The following SLIT1 variants were observed in gnomAD, a reference collection of about 807,000 sequenced individuals.
SLIT1 encodes slit homolog 1 protein.
In SLIT1, 66 loss-of-function variants were observed where a neutral mutation model predicts 186.1. The ratio of observed to expected loss-of-function variants is 0.35; its 90% CI spans 0.29 to 0.44. The LOEUF (loss-of-function observed/expected upper bound fraction) is 0.44, where lower values mean the gene tolerates loss of function less well. SLIT1 is among the 20% of genes least tolerant of loss of function. The probability of loss-of-function intolerance (pLI) is 1.00; values close to 1 mark genes in which losing one functional copy is unlikely to be tolerated. For missense variants in SLIT1, 1,638 were observed against 2,037.4 expected (o/e 0.80, Z 3.77); for synonymous variants, 761 against 833.8 (o/e 0.91, Z 1.50).
At position 97,174,383 on chromosome 10, in the gene SLIT1, C is replaced by A. The variant is rs576380931; in HGVS notation, c.198-9493G>T. On this transcript the variant is annotated intron_variant, in intron 1 of 36. Transcript: ENST00000266058. The stretch of plus-strand genomic sequence containing the variant: ...CCATACTCAAGGCCTTGCACGCACT[C>A]CCGTCAGCCAGCTGGGCCTTCCCCA... Among the ~76,000 whole-genome samples, 4 of 152,350 alleles carry A rather than the reference C, an allele frequency of 2.6e-5. No homozygotes were observed. In the East Asian group the frequency reaches 7.7e-4, roughly 29 times the overall value.
chr10:97,093,519 T>A (rs369070702), intron 4 of SLIT1, among the ~76,000 whole-genome samples: 12 of 152,200 alleles, frequency 7.9e-5, no homozygotes, highest in African/African-American at 2.7e-4. Context: ...AAAGCCCATA[T>A]GAGATGGCTG....
chr10:97,093,746 G>A lies in SLIT1; in HGVS notation c.414-27660C>T, dbSNP rs755448712. On this transcript the variant is annotated intron_variant, in intron 4 of 36. Transcript: ENST00000266058. ...ATGTAGAGCCAAACCCAATTCCAGC[G>A]GGCACAGAAGTCACCTTTGAGGAAA... is the stretch of plus-strand genomic sequence containing the variant. Among the ~76,000 whole-genome samples the A allele has an allele frequency of 9.2e-5, 14 of 152,154 alleles. No individual in the cohort carries two copies. The East Asian group carries it at 1.2e-3, about 13-fold the overall frequency.
intron 31 of SLIT1, among the ~76,000 whole-genome samples, chr10:97,009,109 C>G (rs1564652531): frequency 6.6e-6 from 1 of 152,066 alleles, no homozygotes. Flanking sequence ...GATCTCCTGA[C>G]CTTGTGATCC....
At chr10:97,118,385 G>T (rs774196658) in intron 4 of SLIT1, among the ~76,000 whole-genome samples, 5 of 152,134 alleles carry the variant, frequency 3.3e-5, no homozygotes, top group Non-Finnish European at 7.4e-5. Context: ...AGGACTTGGG[G>T]CACTGACCTA....
At chr10:97,014,900 C>T (rs1025975767) in intron 28 of SLIT1, among the ~76,000 whole-genome samples, 1 of 151,734 alleles carries the variant, frequency 6.6e-6, no homozygotes, top group East Asian at 1.9e-4. Flanking sequence ...GGAAGGGAAC[C>T]CCACAGCTAG....
At chr10:97,168,591 A>G (rs568602467) in intron 1 of SLIT1, among the ~76,000 whole-genome samples, 1 of 152,300 alleles carries the variant, frequency 6.6e-6, no homozygotes, top group South Asian at 2.1e-4. Context: ...GTGTCCCTTC[A>G]TTTGGGTATA....
chr10:97,138,432 G>A (rs1006479226), intron 4 of SLIT1, among the ~76,000 whole-genome samples: 3 of 152,218 alleles, frequency 2.0e-5, no homozygotes, highest in Admixed American at 6.5e-5. Context: ...CGGTCACCAC[G>A]GTCTGTGGTC....
intron 4 of SLIT1, among the ~76,000 whole-genome samples, chr10:97,127,585 C>G (rs1231179259): frequency 6.6e-6 from 1 of 152,190 alleles, no homozygotes; most frequent in East Asian, 1.9e-4. Context: ...GTCCTCTGGG[C>G]ACAGAGATGA....
chr10:97,099,604 G>T (rs1341603254), intron 4 of SLIT1, among the ~76,000 whole-genome samples: 1 of 152,178 alleles, frequency 6.6e-6, no homozygotes, highest in Admixed American at 6.5e-5. Context: ...CTCTGCATGT[G>T]TACATACGTG....
chr10:97,101,793 G>C (rs1015162135), intron 4 of SLIT1, among the ~76,000 whole-genome samples: 3 of 152,234 alleles, frequency 2.0e-5, no homozygotes, highest in Non-Finnish European at 2.9e-5. Flanking sequence ...TGCATGTCTG[G>C]TGTGTTGAGC....
chr10:97,029,586 A>AGCTTTTG (rs1220825913), intron 25 of SLIT1, among the ~76,000 whole-genome samples: 1 of 152,242 alleles, frequency 6.6e-6, no homozygotes, highest in African/African-American at 2.4e-5. Flanking sequence ...GCCCTGTCAC[A>AGCTTTTG]GTCCAGTGCT....
chr10:97,042,890 C>A lies in SLIT1; in HGVS notation c.2164+11G>T. 6.2e-7 allele frequency: 1 copy of A among 1,612,100 alleles called. No homozygotes were observed. On this transcript the variant is annotated intron_variant, in intron 20 of 36. Transcript: ENST00000266058. The stretch of plus-strand genomic sequence containing the variant: ...CGCCCTCTCCCTTGCCACCGGGGGG[C>A]CACGAGTTACCTTCCTCACACCTGA...
At chr10:97,099,454 G>T (rs185081289) in intron 4 of SLIT1, among the ~76,000 whole-genome samples, 10 of 152,112 alleles carry the variant, frequency 6.6e-5, no homozygotes, top group African/African-American at 1.9e-4. Flanking sequence ...CTCCAGGTTG[G>T]GGGGGTGGGG....
intron 4 of SLIT1, among the ~76,000 whole-genome samples, chr10:97,066,418 T>C (rs1205068589): frequency 6.6e-6 from 1 of 152,114 alleles, no homozygotes; most frequent in Non-Finnish European, 1.5e-5. Context: ...CTGATGTAGT[T>C]TGGATATTTG....
chr10:97,090,579 A>C (rs1358394901), intron 4 of SLIT1, among the ~76,000 whole-genome samples: 1 of 84,498 alleles, frequency 1.2e-5, no homozygotes, highest in Non-Finnish European at 2.4e-5. Flanking sequence ...TCTGGGAGGC[A>C]ACTGGATTAT....
intron 3 of SLIT1, among the ~76,000 whole-genome samples, chr10:97,160,328 A>G (rs1402185934): frequency 6.6e-6 from 1 of 152,250 alleles, no homozygotes; most frequent in Non-Finnish European, 1.5e-5. Context: ...ATGCTAGTGG[A>G]AAAAGAGTCA....
chr10:97,116,671 C>G (rs1272051523), intron 4 of SLIT1, among the ~76,000 whole-genome samples: 1 of 152,212 alleles, frequency 6.6e-6, no homozygotes, highest in African/African-American at 2.4e-5. Context: ...GCCATGCAGT[C>G]GGGCTCCCCA....
At chr10:97,140,109 G>A (rs1849742566) in intron 4 of SLIT1, among the ~76,000 whole-genome samples, 1 of 152,148 alleles carries the variant, frequency 6.6e-6, no homozygotes, top group South Asian at 2.1e-4. Flanking sequence ...GTTCCTGGGA[G>A]TGGGAACATC....
At chr10:97,045,948 A>G (rs1057044988) in intron 18 of SLIT1, among the ~76,000 whole-genome samples, 2 of 152,218 alleles carry the variant, frequency 1.3e-5, no homozygotes, top group African/African-American at 4.8e-5. Context: ...ATAAAATGAA[A>G]TTCAAAATTC....
Sources: gnomAD v4.1 joint callset for allele counts (sites outside exome capture counted in the v4.1 genomes callset) on GRCh38, gnomAD v4.1.1 for gene constraint, MANE v1.5 for transcripts, NCBI Gene and HGNC (gene_info 2026-07-23, HGNC 2026-07-21) for gene names.